MCTP1: variants seen among roughly 807,000 people sequenced by gnomAD.
MCTP1 encodes multiple C2 and transmembrane domain-containing protein 1.
Under a neutral mutation model 120.6 loss-of-function variants are expected in MCTP1, and 69 were observed. That is an observed-to-expected ratio of 0.57 (90% CI 0.47 to 0.70). The LOEUF is 0.70. Ranked by LOEUF, MCTP1 falls within the 30% of genes least tolerant of loss-of-function variation. MCTP1 has a pLI of 0.00. For synonymous variants in MCTP1, 529 were observed against 493.1 expected (o/e 1.07, Z -0.96); for missense variants, 1,203 against 1,248.8 (o/e 0.96, Z 0.55).
rs572637317 is a variant in MCTP1 at position 95,285,045 on chromosome 5, G to C, written c.-470C>G. ...GGCAGCACCTGTCAGCGGCGGGGGC[G>C]GCTGCCTCCAAATTGGGCGCGCACG... is the stretch of plus-strand genomic sequence containing the variant. On this transcript the variant is annotated 5_prime_UTR_variant, in exon 1 of 23. Transcript: ENST00000515393. Among the ~76,000 whole-genome samples, 7 of 152,158 alleles carry C rather than the reference G, an allele frequency of 4.6e-5. No individual in the cohort carries two copies. The highest frequency in any genetic ancestry group is 2.1e-4 in the South Asian group (1 of 4,836).
chr5:95,233,655 A>C (rs758182135), intron 1 of MCTP1, among the ~76,000 whole-genome samples: 9 of 152,216 alleles, frequency 5.9e-5, no homozygotes, highest in Non-Finnish European at 1.0e-4. Context: ...TAAATAAATC[A>C]TAAGTCAAAG....
At chr5:94,918,585 GAT>G (rs756194946) in intron 7 of MCTP1, among the ~76,000 whole-genome samples, 1 of 152,170 alleles carries the variant, frequency 6.6e-6, no homozygotes, top group East Asian at 1.9e-4. Context: ...GATTAAGAAA[GAT>G]ATAGCTGAAC....
At chr5:94,877,212 A>G (rs1799078190) in intron 12 of MCTP1, among the ~76,000 whole-genome samples, 1 of 152,106 alleles carries the variant, frequency 6.6e-6, no homozygotes, top group Non-Finnish European at 1.5e-5. Flanking sequence ...GTAGGCTGAC[A>G]TTTTACGATG....
intron 3 of MCTP1, among the ~76,000 whole-genome samples, chr5:94,943,276 G>A (rs1381807498): frequency 1.3e-5 from 2 of 152,036 alleles, no homozygotes; most frequent in Non-Finnish European, 2.9e-5. Context: ...CCAAATAATG[G>A]GAAGGAGTAC....
chr5:95,283,714 T>G (rs1001144900), intron 1 of MCTP1, 142 bp downstream of exon 1: 4 of 565,260 alleles, frequency 7.1e-6, no homozygotes, highest in Non-Finnish European at 1.1e-5. Flanking sequence ...ATGTTTTCTT[T>G]CGACTGTTTC....
At chr5:95,038,223 G>T in intron 1 of MCTP1, 1 of 432,964 alleles carries the variant, frequency 2.3e-6, no homozygotes, top group African/African-American at 2.1e-5. Context: ...ATGGAGCCTG[G>T]CACAAAGTAT....
At chr5:94,767,496 C>T (rs1326566115) in intron 19 of MCTP1, among the ~76,000 whole-genome samples, 2 of 152,004 alleles carry the variant, frequency 1.3e-5, no homozygotes, top group Non-Finnish European at 2.9e-5. Context: ...ATGACATGAT[C>T]TTATATATAG....
intron 2 of MCTP1, among the ~76,000 whole-genome samples, chr5:94,972,692 T>C (rs1158703969): frequency 1.3e-5 from 2 of 152,180 alleles, no homozygotes; most frequent in East Asian, 1.9e-4. Context: ...AGAAGCTTAG[T>C]TTGCATCCTA....
At chr5:95,096,727 A>G (rs911434497) in intron 1 of MCTP1, among the ~76,000 whole-genome samples, 1 of 152,196 alleles carries the variant, frequency 6.6e-6, no homozygotes, top group African/African-American at 2.4e-5. Context: ...ACGAACAAAA[A>G]CTACCATAAA....
At chr5:94,965,124 A>G (rs894568938) in intron 2 of MCTP1, among the ~76,000 whole-genome samples, 3 of 152,148 alleles carry the variant, frequency 2.0e-5, no homozygotes, top group African/African-American at 7.2e-5. Flanking sequence ...ATCATTTCTT[A>G]TAATCGAGGT....
At chr5:94,831,340 C>T (rs1394575122) in intron 17 of MCTP1, among the ~76,000 whole-genome samples, 2 of 152,214 alleles carry the variant, frequency 1.3e-5, no homozygotes, top group East Asian at 3.8e-4. Context: ...TTTATCCAAT[C>T]GTCCATCACT....
At chr5:95,283,261 G>A (rs1301796916) in intron 1 of MCTP1, among the ~76,000 whole-genome samples, 1 of 152,226 alleles carries the variant, frequency 6.6e-6, no homozygotes, top group Non-Finnish European at 1.5e-5. Flanking sequence ...AGGCTCATAG[G>A]AACATATGCA....
At chr5:94,821,515 T>C (rs1389899762) in intron 17 of MCTP1, among the ~76,000 whole-genome samples, 4 of 152,224 alleles carry the variant, frequency 2.6e-5, no homozygotes, top group African/African-American at 4.8e-5. Context: ...ATCAGTGTGA[T>C]TCCTTTATTT....
intron 1 of MCTP1, among the ~76,000 whole-genome samples, chr5:95,193,189 T>C (rs763655727): frequency 1.2e-4 from 18 of 152,206 alleles, no homozygotes; most frequent in South Asian, 2.1e-4. Context: ...TAAGTAATCA[T>C]AGTCATCAAT....
At chr5:95,270,560 G>A (rs1297882231) in intron 1 of MCTP1, among the ~76,000 whole-genome samples, 1 of 118,308 alleles carries the variant, frequency 8.5e-6, no homozygotes, top group Non-Finnish European at 1.7e-5. Flanking sequence ...GCACAACTGA[G>A]CAGAGAGAGG....
intron 2 of MCTP1, among the ~76,000 whole-genome samples, chr5:94,982,616 G>T (rs1045503087): frequency 1.3e-5 from 2 of 152,026 alleles, no homozygotes; most frequent in Non-Finnish European, 2.9e-5. Context: ...TCAAAAGAAA[G>T]ATGGTCACGC....
chr5:95,246,797 A>G (rs1352831210), intron 1 of MCTP1, among the ~76,000 whole-genome samples: 1 of 152,158 alleles, frequency 6.6e-6, no homozygotes, highest in Non-Finnish European at 1.5e-5. Flanking sequence ...ATTTGCCAGT[A>G]TTTTATTGAG....
chr5:94,827,097 T>C (rs1787307355), intron 17 of MCTP1, among the ~76,000 whole-genome samples: 1 of 152,152 alleles, frequency 6.6e-6, no homozygotes, highest in African/African-American at 2.4e-5. Flanking sequence ...GTTTTTGCAG[T>C]GGCCGGTTCT....
chr5:94,990,529 C>T (rs436206), intron 2 of MCTP1, among the ~76,000 whole-genome samples: 106,868 of 151,982 alleles, frequency 0.7, 38,096 homozygotes, highest in Admixed American at 0.8. Context: ...AAGAGGGTCA[C>T]GCTAGCTCAA....
Sources: gnomAD v4.1 joint callset for allele counts (sites outside exome capture counted in the v4.1 genomes callset) on GRCh38, gnomAD v4.1.1 for gene constraint, MANE v1.5 for transcripts, NCBI Gene and HGNC (gene_info 2026-07-23, HGNC 2026-07-21) for gene names.